The following SHROOM3 variants were observed in gnomAD, a reference collection of about 807,000 sequenced individuals.
The protein encoded by SHROOM3 is protein Shroom3.
SHROOM3 carries 47 observed loss-of-function variants against 138.6 expected under a neutral mutation model. The observed-to-expected ratio is 0.34, with a 90% confidence interval of 0.27 to 0.43. The LOEUF (loss-of-function observed/expected upper bound fraction) is 0.43, where lower values mean the gene tolerates loss of function less well. SHROOM3 is among the 20% of genes least tolerant of loss of function. SHROOM3 has a pLI of 1.00. For missense variants in SHROOM3, 2,491 were observed against 2,596.5 expected (o/e 0.96, Z 0.88); for synonymous variants, 1,062 against 1,063.3 (o/e 1.00, Z 0.02).
chr4:76,602,161 T>A (rs1253281721), intron 2 of SHROOM3, among the ~76,000 whole-genome samples: 1 of 152,216 alleles, frequency 6.6e-6, no homozygotes, highest in Non-Finnish European at 1.5e-5. Context: ...TCAATCTTTC[T>A]CCTCTGTTTT....
At chr4:76,655,294 T>A (rs1027141078) in intron 2 of SHROOM3, among the ~76,000 whole-genome samples, 7 of 152,178 alleles carry the variant, frequency 4.6e-5, no homozygotes, top group African/African-American at 1.7e-4. Context: ...CCTCTTTGTT[T>A]AATCACTCAC....
chr4:76,700,250 GTC>G, intron 2 of SHROOM3, among the ~76,000 whole-genome samples: 1 of 152,314 alleles, frequency 6.6e-6, no homozygotes, highest in Non-Finnish European at 1.5e-5. Context: ...ACTTCTTTGA[GTC>G]TGTTTCCTCA....
At chr4:76,674,850 C>T (rs1040314972) in intron 2 of SHROOM3, among the ~76,000 whole-genome samples, 5 of 152,182 alleles carry the variant, frequency 3.3e-5, no homozygotes, top group South Asian at 4.2e-4. Context: ...CCACCACACC[C>T]GGCCATGTCA....
chr4:76,483,752 A>G (rs533236446), intron 1 of SHROOM3, among the ~76,000 whole-genome samples: 3 of 152,348 alleles, frequency 2.0e-5, no homozygotes, highest in African/African-American at 7.2e-5. Context: ...TCAAATACCC[A>G]TCAATGACAG....
At chr4:76,576,766 T>C (rs1459622079) in intron 2 of SHROOM3, among the ~76,000 whole-genome samples, 5 of 152,062 alleles carry the variant, frequency 3.3e-5, no homozygotes, top group African/African-American at 1.2e-4. Flanking sequence ...ACCCCATAAA[T>C]GTATACACCT....
In SHROOM3 at chr4:76,599,191, C is replaced by T. The variant is rs544955455; in HGVS notation, c.323+43428C>T. On this transcript the variant is annotated intron_variant, in intron 2 of 10. Transcript: ENST00000296043. The stretch of plus-strand genomic sequence containing the variant: ...TGCCATAGTGTGTGCTGAGGTGTTA[C>T]CTGTTGAATAATAACAATAAAAGCG... Among the ~76,000 whole-genome samples, 57 of 152,060 alleles carry T rather than the reference C, an allele frequency of 3.7e-4. 1 individual carries two copies. The South Asian group carries it at 0.011, about 30-fold the overall frequency.
intron 6 of SHROOM3, among the ~76,000 whole-genome samples, chr4:76,751,882 C>T (rs1275846805): frequency 6.6e-6 from 1 of 152,022 alleles, no homozygotes; most frequent in Admixed American, 6.6e-5. Flanking sequence ...ATGGTGCAGC[C>T]GTATGAAAAA....
chr4:76,542,548 AGT>A (rs1297966929), intron 1 of SHROOM3, among the ~76,000 whole-genome samples: 1 of 152,362 alleles, frequency 6.6e-6, no homozygotes, highest in East Asian at 1.9e-4. Flanking sequence ...AATGGCACAG[AGT>A]GAGAGAGACT....
intron 2 of SHROOM3, among the ~76,000 whole-genome samples, chr4:76,566,222 C>T (rs1014124668): frequency 1.3e-5 from 2 of 151,526 alleles, no homozygotes; most frequent in African/African-American, 4.9e-5. Context: ...CAGTGATTCA[C>T]GTAGCATTTA....
intron 2 of SHROOM3, among the ~76,000 whole-genome samples, chr4:76,661,569 T>C (rs541771300): frequency 3.3e-5 from 5 of 152,336 alleles, no homozygotes; most frequent in South Asian, 2.1e-4. Context: ...TAAAGTTTCT[T>C]TGTGCCCCTT....
intron 3 of SHROOM3, among the ~76,000 whole-genome samples, chr4:76,729,658 A>G (rs1045109175): frequency 5.3e-5 from 8 of 152,220 alleles, no homozygotes; most frequent in Admixed American, 2.0e-4. Flanking sequence ...CTTAGCTAAG[A>G]AGGGGAAGTA....
chr4:76,636,734 G>C (rs1171091030), intron 2 of SHROOM3, among the ~76,000 whole-genome samples: 2 of 152,232 alleles, frequency 1.3e-5, no homozygotes, highest in African/African-American at 4.8e-5. Context: ...GTCTGAATGA[G>C]CATGGGTTTG....
intron 1 of SHROOM3, among the ~76,000 whole-genome samples, chr4:76,445,792 G>A (rs899004490): frequency 1.3e-5 from 2 of 152,080 alleles, no homozygotes; most frequent in Non-Finnish European, 2.9e-5. Flanking sequence ...AACCCTGGGA[G>A]GTTTTTAGTA....
Position 76,756,925 on chromosome 4 carries a change from G to A in SHROOM3, c.5186G>A (p.Cys1729Tyr), listed in dbSNP as rs775946228. 36 of 1,614,026 alleles carry A rather than the reference G, an allele frequency of 2.2e-5. 1 individual carries two copies. In the Middle Eastern group the frequency reaches 4.9e-4, roughly 22 times the overall value. Reference protein sequence around the residue: ...AIQRTVSSSGCEGKRNEDKEA... With the variant: ...AIQRTVSSSGYEGKRNEDKEA... ...CAGAGAACTGTCAGCTCTTCAGGATGTGAAGGCAAGAGGTAAGTCCCTGGT... is the reference window on the plus strand; with the variant it reads ...CAGAGAACTGTCAGCTCTTCAGGATATGAAGGCAAGAGGTAAGTCCCTGGT... Residue 1729 changes from cysteine to tyrosine, a missense_variant, in exon 8 of 11, where the codon TGT (cysteine) becomes TAT (tyrosine). Physicochemically the swap from Cys to Tyr is radical, Grantham distance 194. Around this residue, in one of 4 missense-constraint regions of SHROOM3, gnomAD observed 470 missense variants for 595.0 expected, o/e 0.79. Coordinates refer to ENST00000296043, the MANE Select transcript of SHROOM3 (RefSeq NM_020859.4).
chr4:76,642,805 G>T (rs909595148), intron 2 of SHROOM3, among the ~76,000 whole-genome samples: 3 of 152,100 alleles, frequency 2.0e-5, no homozygotes, highest in African/African-American at 7.2e-5. Flanking sequence ...GATCTGGGTG[G>T]GGGAGGAGGG....
At chr4:76,544,350 A>G (rs146529242) in intron 1 of SHROOM3, among the ~76,000 whole-genome samples, 1 of 151,180 alleles carries the variant, frequency 6.6e-6, no homozygotes, top group Admixed American at 6.6e-5. Context: ...TGAAAAATTA[A>G]CCATGTTGAC....
rs779121351 is a variant in SHROOM3 at position 76,741,311 on chromosome 4, G to A, written c.3138G>A (p.Gly1046=). The change falls in exon 5 of 11, where the codon GGG becomes GGA. Residue 1046 remains glycine (G), a synonymous_variant. Transcript: ENST00000296043. This position sits in a 1 kb window ranked among gnomAD's most constrained non-coding sequence, Gnocchi z 6.2. ...CACCCCTGGGCCCGCAGAGAAATGG[G>A]ATGCGTTTCCCGGAGAGCAGCGTGG... ...EPAPLGPQRN[G]MRFPESSVAD... 44 of 1,611,890 alleles carry A rather than the reference G, an allele frequency of 2.7e-5. No individual in the cohort carries two copies. Among genetic ancestry groups the A allele is most frequent in the Non-Finnish European group, 3.5e-5 (41 of 1,179,664 alleles).
In SHROOM3 at chr4:76,740,058, G is replaced by A. The variant is rs1342856834; in HGVS notation, c.1885G>A (p.Asp629Asn). ...SSRLSEPWEGDFQEDHNANLW... is the reference protein window; with the variant it reads ...SSRLSEPWEGNFQEDHNANLW... ...CAGGCTCTCAGAGCCCTGGGAGGGC[G>A]ATTTCCAGGAAGACCACAATGCCAA... is the stretch of plus-strand genomic sequence containing the variant. Residue 629 changes from aspartate (D) to asparagine (N), a missense_variant, in exon 5 of 11, where the codon GAT becomes AAT. Around this residue, in one of 4 missense-constraint regions of SHROOM3, gnomAD observed 1,733 missense variants for 1,661.6 expected, o/e 1.04. Transcript: ENST00000296043. This position sits in a 1 kb window ranked among gnomAD's most constrained non-coding sequence, Gnocchi z 4.0. 2 of 1,613,782 alleles carry A rather than the reference G, an allele frequency of 1.2e-6. No individual in the cohort carries two copies. Among genetic ancestry groups the A allele is most frequent in the South Asian group, 1.1e-5 (1 of 91,086 alleles).
chr4:76,504,907 A>G (rs1297378646), intron 1 of SHROOM3, among the ~76,000 whole-genome samples: 2 of 152,250 alleles, frequency 1.3e-5, no homozygotes, highest in Non-Finnish European at 2.9e-5. Context: ...TGAAAAGTGC[A>G]GAGCTGGCCA....
Sources: gnomAD v4.1 joint callset for allele counts (sites outside exome capture counted in the v4.1 genomes callset) on GRCh38, gnomAD v4.1.1 for gene constraint, gnomAD v4.1.1 regional missense constraint, Gnocchi (gnomAD v3.1) non-coding constraint, MANE v1.5 for transcripts, NCBI Gene and HGNC (gene_info 2026-07-23, HGNC 2026-07-21) for gene names.